Variants in TIMM23 observed in about 807,000 individuals in gnomAD.
The protein encoded by TIMM23 is translocase of inner mitochondrial membrane 23.
In TIMM23, 19 loss-of-function variants were observed where a neutral mutation model predicts 30.7. That is an observed-to-expected ratio of 0.62 (90% CI 0.43 to 0.91). The LOEUF (loss-of-function observed/expected upper bound fraction) is 0.91. Among genes scored for constraint, TIMM23 ranks in the 40% least tolerant of loss-of-function variants. The pLI is 0.00. For synonymous variants in TIMM23, 78 were observed against 98.5 expected, an observed-to-expected ratio of 0.79 and a Z score of 1.23; for missense variants, 202 against 269.2, an observed-to-expected ratio of 0.75 and a Z score of 1.75.
intron 6 of TIMM23, chr10:45,992,535 A>G (rs1838194580): frequency 1.4e-5 from 6 of 432,790 alleles, no homozygotes; most frequent in South Asian, 8.4e-5. Context: ...GAAGGTAGCA[A>G]TCAAAATCCA....
chr10:45,985,996 T>G (rs1837978490), intron 5 of TIMM23, among the ~76,000 whole-genome samples: 1 of 152,216 alleles, frequency 6.6e-6, no homozygotes, highest in Non-Finnish European at 1.5e-5. Context: ...CCATATTGTT[T>G]ATGAATGATT....
At chr10:45,991,487 C>T (rs1838161099) in intron 6 of TIMM23, among the ~76,000 whole-genome samples, 5 of 152,168 alleles carry the variant, frequency 3.3e-5, no homozygotes, top group African/African-American at 1.2e-4. Flanking sequence ...CACGGTGGCT[C>T]ATGCCTGTAA....
At chr10:46,003,055 G>C in intron 6 of TIMM23, 148 bp from the exon 7 acceptor site, 1 of 574,876 alleles carries the variant, frequency 1.7e-6, no homozygotes, top group Admixed American at 3.1e-5. Flanking sequence ...ATCCTCAAGC[G>C]ATCCACCCAC....
At chr10:45,984,074 G>C (rs1162723322) in intron 4 of TIMM23, among the ~76,000 whole-genome samples, 1 of 152,054 alleles carries the variant, frequency 6.6e-6, no homozygotes, top group African/African-American at 2.4e-5. Context: ...CTGTTACTGT[G>C]TGGATCTCTG....
At chr10:45,997,635 G>A (rs1023288933) in intron 6 of TIMM23, among the ~76,000 whole-genome samples, 24 of 152,174 alleles carry the variant, frequency 1.6e-4, no homozygotes, top group Non-Finnish European at 2.4e-4. Context: ...AATATAGGGA[G>A]ACCTCATCTC....
intron 6 of TIMM23, among the ~76,000 whole-genome samples, chr10:45,990,982 ATTACC>A (rs1838148614): frequency 1.3e-5 from 2 of 152,186 alleles, no homozygotes. Context: ...GACAAGTTAA[ATTACC>A]TCCACATGCT....
At chr10:45,979,283 C>G (rs111921135) in intron 2 of TIMM23, among the ~76,000 whole-genome samples, 6 of 152,172 alleles carry the variant, frequency 3.9e-5, no homozygotes, top group African/African-American at 1.4e-4. Context: ...ACATGAGATA[C>G]AGATCAGTAA....
chr10:45,998,125 G>T (rs1397461325), intron 6 of TIMM23, among the ~76,000 whole-genome samples: 1 of 152,120 alleles, frequency 6.6e-6, no homozygotes, highest in African/African-American at 2.4e-5. Context: ...TTTTAGTTAC[G>T]TTTTAAATGG....
chr10:45,998,910 G>A (rs1473312966), intron 6 of TIMM23, among the ~76,000 whole-genome samples: 1 of 145,694 alleles, frequency 6.9e-6, no homozygotes, highest in Non-Finnish European at 1.5e-5. Flanking sequence ...TTTGCTCACT[G>A]CAACCTCCAC....
intron 1 of TIMM23, among the ~76,000 whole-genome samples, chr10:45,974,746 A>G (rs1292216507): frequency 3.3e-5 from 5 of 152,224 alleles, no homozygotes; most frequent in Non-Finnish European, 7.3e-5. Flanking sequence ...CAAAATAGAT[A>G]TTAAAAATAG....
chr10:46,002,676 T>C (rs545013423), intron 6 of TIMM23, among the ~76,000 whole-genome samples: 1 of 151,976 alleles, frequency 6.6e-6, no homozygotes, highest in Non-Finnish European at 1.5e-5. Context: ...AATTGGAAAG[T>C]AGGGGGAAAA....
At chr10:45,984,184 T>C (rs1426771377) in intron 4 of TIMM23, among the ~76,000 whole-genome samples, 1 of 152,180 alleles carries the variant, frequency 6.6e-6, no homozygotes, top group East Asian at 1.9e-4. Context: ...TTTGAATATA[T>C]AAAAGTAGAC....
chr10:45,999,711 G>A (rs2132285278), intron 6 of TIMM23, among the ~76,000 whole-genome samples: 1 of 152,280 alleles, frequency 6.6e-6, no homozygotes, highest in East Asian at 1.9e-4. Context: ...CTTATCAGGA[G>A]ACAAGGTTTT....
At chr10:45,978,230 G>A (rs1215563405) in intron 2 of TIMM23, among the ~76,000 whole-genome samples, 1 of 151,982 alleles carries the variant, frequency 6.6e-6, no homozygotes, top group Admixed American at 6.6e-5. Flanking sequence ...GTGTGCACCT[G>A]TAGTCCCAGC....
intron 6 of TIMM23, among the ~76,000 whole-genome samples, chr10:45,994,092 C>T (rs1838254084): frequency 1.3e-5 from 2 of 152,198 alleles, no homozygotes. Context: ...GTAATCCTAG[C>T]ACTTTGGGAG....
At chr10:45,988,573 T>A (rs1838066879) in intron 5 of TIMM23, among the ~76,000 whole-genome samples, 164 bp from the exon 6 acceptor site, 2 of 152,110 alleles carry the variant, frequency 1.3e-5, no homozygotes, top group African/African-American at 4.8e-5. Context: ...CCAAAGCTGA[T>A]TCCAGAACCA....
At chr10:45,987,770 C>G (rs1322310364) in intron 5 of TIMM23, among the ~76,000 whole-genome samples, 1 of 151,778 alleles carries the variant, frequency 6.6e-6, no homozygotes, top group Non-Finnish European at 1.5e-5. Context: ...CATGCACCAC[C>G]ATACCAACTA....
chr10:45,990,390 A>G (rs1394371287), intron 6 of TIMM23, among the ~76,000 whole-genome samples: 7 of 151,602 alleles, frequency 4.6e-5, no homozygotes, highest in Non-Finnish European at 1.0e-4. Flanking sequence ...CCCAAGTGCT[A>G]GGATTACAGG....
chr10:45,972,734 A>C lies in TIMM23; in HGVS notation c.106+4A>C, dbSNP rs1554912033. 4 of 1,613,316 alleles carry C rather than the reference A, an allele frequency of 2.5e-6. No individual in the cohort carries two copies. The highest frequency in any genetic ancestry group is 3.4e-6 in the Non-Finnish European group (4 of 1,179,820). The stretch of plus-strand genomic sequence containing the variant: ...GCGGATTTGGCTGGCGTCCCGCGTA[A>C]GTATGGGGCCTAGCTTGCGATTATT... On this transcript the variant is annotated splice_donor_region_variant and intron_variant, in intron 1 of 6. Coordinates refer to ENST00000580018, the MANE Select transcript of TIMM23 (RefSeq NM_006327.4).
Sources: gnomAD v4.1 joint callset for allele counts (sites outside exome capture counted in the v4.1 genomes callset) on GRCh38, gnomAD v4.1.1 for gene constraint, MANE v1.5 for transcripts, NCBI Gene and HGNC (gene_info 2026-07-23, HGNC 2026-07-21) for gene names.